Variants in MAML2 observed in about 807,000 individuals in gnomAD.
MAML2 encodes the protein mastermind-like protein 2.
Under a neutral mutation model 96.1 loss-of-function variants are expected in MAML2, and 22 were observed. That is an observed-to-expected ratio of 0.23 (90% CI 0.16 to 0.33). The LOEUF is 0.33. Ranked by LOEUF, MAML2 falls within the 10% of genes least tolerant of loss-of-function variation. MAML2 has a pLI of 1.00. For missense variants in MAML2, 1,367 were observed against 1,392.4 expected (o/e 0.98, Z 0.29); for synonymous variants, 561 against 521.3 (o/e 1.08, Z -1.04).
chr11:96,097,499 A>G (rs181244548), intron 1 of MAML2, among the ~76,000 whole-genome samples: 1 of 152,270 alleles, frequency 6.6e-6, no homozygotes, highest in Admixed American at 6.5e-5. Flanking sequence ...AAAACAGTTA[A>G]TGATACTGGA....
rs557284585 is a variant in MAML2 at position 96,078,599 on chromosome 11, C to T, written c.2139+13293G>A. On this transcript the variant is annotated intron_variant, in intron 2 of 4. Transcript: ENST00000524717. The stretch of plus-strand genomic sequence containing the variant: ...GAGAGCAATGATACCGGAACAGGAA[C>T]GAAATGCTGCTAGAGAACAGTGCTG... Among the ~76,000 whole-genome samples the T allele has an allele frequency of 8.5e-5, 13 of 152,284 alleles. No individual in the cohort carries two copies. In the South Asian group the frequency reaches 2.5e-3, roughly 29 times the overall value.
At chr11:96,002,356 T>C (rs1457538262) in intron 2 of MAML2, among the ~76,000 whole-genome samples, 1 of 152,226 alleles carries the variant, frequency 6.6e-6, no homozygotes, top group African/African-American at 2.4e-5. Flanking sequence ...CAAAGGCAAC[T>C]GGAAAACCAA....
chr11:96,166,130 TTCTCTGTCTCTCTCTCTCTGTCTG>T (rs1157451267), intron 1 of MAML2, among the ~76,000 whole-genome samples: 5 of 121,042 alleles, frequency 4.1e-5, no homozygotes, highest in African/African-American at 1.6e-4. Flanking sequence ...CTGTCTCTCT[TTCTCTGTCTCTCTCTCTCTGTCTG>T]TCTCTCTCTC....
intron 2 of MAML2, among the ~76,000 whole-genome samples, chr11:96,069,674 C>G (rs150315790): frequency 1.4e-4 from 21 of 151,930 alleles, no homozygotes; most frequent in African/African-American, 5.1e-4. Flanking sequence ...GAGTCCCTAT[C>G]TCAAAAATAA....
At chr11:96,067,326 C>T (rs540054649) in intron 2 of MAML2, among the ~76,000 whole-genome samples, 3 of 152,328 alleles carry the variant, frequency 2.0e-5, no homozygotes, top group African/African-American at 4.8e-5. Context: ...CTTCAAGACA[C>T]GGACTGCCTT....
chr11:96,109,687 G>C (rs572266039), intron 1 of MAML2, among the ~76,000 whole-genome samples: 1 of 152,328 alleles, frequency 6.6e-6, no homozygotes, highest in South Asian at 2.1e-4. Context: ...AGGAATGTAG[G>C]GAGAGGAGTG....
At chr11:96,001,855 A>G (rs1181985502) in intron 2 of MAML2, among the ~76,000 whole-genome samples, 3 of 151,854 alleles carry the variant, frequency 2.0e-5, no homozygotes, top group African/African-American at 4.8e-5. Flanking sequence ...TCCTTTCCTC[A>G]CCCTATACAA....
At chr11:96,263,699 T>C (rs925862734) in intron 1 of MAML2, among the ~76,000 whole-genome samples, 2 of 152,228 alleles carry the variant, frequency 1.3e-5, no homozygotes, top group African/African-American at 2.4e-5. Context: ...ACAAGGGAAA[T>C]TCCTTTTGAG....
chr11:96,191,383 G>C (rs549549460), intron 1 of MAML2, among the ~76,000 whole-genome samples: 1 of 151,888 alleles, frequency 6.6e-6, no homozygotes, highest in East Asian at 1.9e-4. Flanking sequence ...AGAATCGCTT[G>C]AACTCGGGAG....
At chr11:96,133,713 G>A (rs1860581402) in intron 1 of MAML2, among the ~76,000 whole-genome samples, 1 of 152,152 alleles carries the variant, frequency 6.6e-6, no homozygotes, top group South Asian at 2.1e-4. Flanking sequence ...TGGTTTATAG[G>A]CCAGGCATGG....
chr11:96,194,953 A>T (rs547217272), intron 1 of MAML2, among the ~76,000 whole-genome samples: 3 of 152,356 alleles, frequency 2.0e-5, no homozygotes, highest in South Asian at 4.1e-4. Flanking sequence ...CCATTCTTTG[A>T]TACATATGCT....
At chr11:96,297,010 T>C (rs140526697) in intron 1 of MAML2, among the ~76,000 whole-genome samples, 453 of 152,238 alleles carry the variant, frequency 3.0e-3, no homozygotes, top group African/African-American at 0.01. Flanking sequence ...CTTCTGTAAC[T>C]AAAAGTAATG....
intron 3 of MAML2, among the ~76,000 whole-genome samples, chr11:95,990,907 A>G (rs964595914): frequency 6.6e-6 from 1 of 152,100 alleles, no homozygotes; most frequent in Non-Finnish European, 1.5e-5. Context: ...GGGAAACACA[A>G]TCTTGTCTTT....
intron 1 of MAML2, among the ~76,000 whole-genome samples, chr11:96,218,181 A>C (rs1251111244): frequency 6.6e-6 from 1 of 152,186 alleles, no homozygotes; most frequent in Non-Finnish European, 1.5e-5. Context: ...GTGCCTTTTG[A>C]ATTTTTCCAC....
chr11:96,178,871 G>C (rs1861436443), intron 1 of MAML2, among the ~76,000 whole-genome samples: 1 of 152,122 alleles, frequency 6.6e-6, no homozygotes, highest in African/African-American at 2.4e-5. Flanking sequence ...TTATAAAATG[G>C]CATGGCTATT....
chr11:96,052,020 G>C (rs767027509), intron 2 of MAML2, among the ~76,000 whole-genome samples: 3 of 152,166 alleles, frequency 2.0e-5, no homozygotes, highest in Non-Finnish European at 4.4e-5. Context: ...GACCACAACT[G>C]TACCTGTCAT....
chr11:96,289,477 T>C (rs1331782667), intron 1 of MAML2, among the ~76,000 whole-genome samples: 1 of 152,178 alleles, frequency 6.6e-6, no homozygotes, highest in African/African-American at 2.4e-5. Context: ...CAACTGCTGA[T>C]GGATTTGAAA....
At chr11:96,323,962 A>C (rs1773898565) in intron 1 of MAML2, among the ~76,000 whole-genome samples, 1 of 152,278 alleles carries the variant, frequency 6.6e-6, no homozygotes, top group Non-Finnish European at 1.5e-5. Flanking sequence ...GACTGGCAAC[A>C]GTCTCAAAGA....
chr11:96,291,854 ATC>A (rs1863217182), intron 1 of MAML2, among the ~76,000 whole-genome samples: 1 of 152,128 alleles, frequency 6.6e-6, no homozygotes, highest in Non-Finnish European at 1.5e-5. Context: ...CTGGATGTAT[ATC>A]ACCTTTGCCC....
Sources: gnomAD v4.1 joint callset for allele counts (sites outside exome capture counted in the v4.1 genomes callset) on GRCh38, gnomAD v4.1.1 for gene constraint, MANE v1.5 for transcripts, NCBI Gene and HGNC (gene_info 2026-07-23, HGNC 2026-07-21) for gene names.